The following CPNE4 variants were observed in gnomAD, a reference collection of about 807,000 sequenced individuals.
The protein encoded by CPNE4 is copine-4.
CPNE4 carries 25 observed loss-of-function variants against 67.9 expected under a neutral mutation model. That is an observed-to-expected ratio of 0.37 (90% CI 0.27 to 0.51). The LOEUF (loss-of-function observed/expected upper bound fraction) is 0.51, where lower values mean the gene tolerates loss of function less well. Ranked by LOEUF, CPNE4 falls within the 20% of genes least tolerant of loss-of-function variation. The probability of loss-of-function intolerance (pLI) is 0.93; values close to 1 mark genes in which losing one functional copy is unlikely to be tolerated. For missense variants in CPNE4, 464 were observed against 690.8 expected, an observed-to-expected ratio of 0.67 and a Z score of 3.68; for synonymous variants, 242 against 244.9, an observed-to-expected ratio of 0.99 and a Z score of 0.11.
chr3:131,711,079 A>T (rs1269995409), intron 3 of CPNE4, among the ~76,000 whole-genome samples: 1 of 152,226 alleles, frequency 6.6e-6, no homozygotes, highest in East Asian at 1.9e-4. Context: ...TATTGTCCAA[A>T]TTGGGACACT....
intron 2 of CPNE4, among the ~76,000 whole-genome samples, chr3:131,759,083 A>G (rs1461744225): frequency 6.6e-6 from 1 of 152,178 alleles, no homozygotes; most frequent in African/African-American, 2.4e-5. Context: ...GCCCAGCCCT[A>G]GTAGGATGAT....
chr3:131,669,863 G>GA, intron 6 of CPNE4, 99 bp from the exon 7 acceptor site: 1 of 932,380 alleles, frequency 1.1e-6, no homozygotes, highest in Non-Finnish European at 1.7e-6. Context: ...TGATGCTTAT[G>GA]AAAAGAACAA....
intron 2 of CPNE4, among the ~76,000 whole-genome samples, chr3:131,868,329 G>T (rs1157390037): frequency 6.6e-6 from 1 of 152,154 alleles, no homozygotes; most frequent in Non-Finnish European, 1.5e-5. Flanking sequence ...TTAAAGAGAG[G>T]CAGGCATGCA....
At chr3:131,923,704 CAAAAAAAAAAAAAAAAAAAAAAAAATT>C (rs2070808513) in intron 1 of CPNE4, among the ~76,000 whole-genome samples, 1 of 39,288 alleles carries the variant, frequency 2.5e-5, no homozygotes, top group South Asian at 1.3e-3. Context: ...GACTCCGTCT[CAAAAAAAAAAAAAAAAAAAAAAAAATT>C]AAAAAAAAAT....
intron 1 of CPNE4, among the ~76,000 whole-genome samples, chr3:131,973,772 T>C (rs934998598): frequency 2.0e-5 from 3 of 152,216 alleles, no homozygotes; most frequent in Admixed American, 2.0e-4. Flanking sequence ...TGAATTTTTA[T>C]CTCTAAGGTC....
intron 6 of CPNE4, among the ~76,000 whole-genome samples, chr3:131,683,525 T>G (rs2080808808): frequency 6.6e-6 from 1 of 152,150 alleles, no homozygotes; most frequent in Non-Finnish European, 1.5e-5. Context: ...ATTTATGCTT[T>G]CCTCTCCTCT....
chr3:131,915,815 T>C (rs746980530), intron 1 of CPNE4, among the ~76,000 whole-genome samples: 9 of 152,144 alleles, frequency 5.9e-5, no homozygotes, highest in Non-Finnish European at 1.2e-4. Context: ...TCAGATACAT[T>C]GATGTTCTTA....
intron 1 of CPNE4, among the ~76,000 whole-genome samples, chr3:131,997,635 T>C (rs1167468321): frequency 6.6e-6 from 1 of 152,080 alleles, no homozygotes; most frequent in Non-Finnish European, 1.5e-5. Flanking sequence ...CAGCCTCATA[T>C]CTTTTGTTGT....
chr3:131,964,777 G>A (rs1387827995), intron 1 of CPNE4, among the ~76,000 whole-genome samples: 1 of 152,070 alleles, frequency 6.6e-6, no homozygotes, highest in Admixed American at 6.6e-5. Flanking sequence ...TGAGGAGAAT[G>A]GAACCAAGTC....
intron 5 of CPNE4, among the ~76,000 whole-genome samples, chr3:131,690,878 T>C (rs2081018434): frequency 1.3e-5 from 2 of 151,876 alleles, no homozygotes; most frequent in African/African-American, 4.8e-5. Flanking sequence ...ATAAACCCGT[T>C]AAAAATTGGG....
chr3:132,027,543 G>T (rs1007830508), intron 1 of CPNE4, among the ~76,000 whole-genome samples: 2 of 151,766 alleles, frequency 1.3e-5, no homozygotes, highest in Non-Finnish European at 2.9e-5. Flanking sequence ...AATCAGTCAA[G>T]TCACAGGACG....
chr3:131,977,505 C>G (rs1414502269), intron 1 of CPNE4, among the ~76,000 whole-genome samples: 1 of 151,970 alleles, frequency 6.6e-6, no homozygotes, highest in African/African-American at 2.4e-5. Flanking sequence ...ATTTGACAAT[C>G]ACCCAAAAAA....
intron 2 of CPNE4, among the ~76,000 whole-genome samples, chr3:131,844,184 A>G (rs112256277): frequency 2.0e-5 from 3 of 151,962 alleles, no homozygotes; most frequent in African/African-American, 7.2e-5. Context: ...CTCTAAGGTC[A>G]TTATGACATT....
chr3:131,766,743 C>A (rs1028272020), intron 2 of CPNE4, among the ~76,000 whole-genome samples: 1 of 152,020 alleles, frequency 6.6e-6, no homozygotes, highest in South Asian at 2.1e-4. Flanking sequence ...AGAAAAAAAA[C>A]AGATAAAAAT....
intron 7 of CPNE4, among the ~76,000 whole-genome samples, chr3:131,600,961 C>T (rs1364816086): frequency 1.3e-5 from 2 of 152,096 alleles, no homozygotes; most frequent in Non-Finnish European, 2.9e-5. Flanking sequence ...TTAATTAATG[C>T]ACTACATTTT....
chr3:131,679,795 G>GT (rs1461116433), intron 6 of CPNE4, among the ~76,000 whole-genome samples: 2 of 152,102 alleles, frequency 1.3e-5, no homozygotes, highest in East Asian at 3.8e-4. Flanking sequence ...CCAAGAAGCT[G>GT]TTTTTATGAT....
At chr3:131,720,265 A>T (rs956953124) in intron 3 of CPNE4, among the ~76,000 whole-genome samples, 1 of 144,286 alleles carries the variant, frequency 6.9e-6, no homozygotes, top group Non-Finnish European at 1.5e-5. Flanking sequence ...TAATGTTCCC[A>T]CCTTAGGAAC....
At chr3:131,628,834 T>C (rs1366131250) in intron 7 of CPNE4, among the ~76,000 whole-genome samples, 1 of 150,004 alleles carries the variant, frequency 6.7e-6, no homozygotes, top group Non-Finnish European at 1.5e-5. Context: ...TTTGTTGATC[T>C]TTTCAAAAAA....
chr3:131,740,562 G>A (rs1399876381), intron 2 of CPNE4, among the ~76,000 whole-genome samples: 1 of 152,030 alleles, frequency 6.6e-6, no homozygotes, highest in Non-Finnish European at 1.5e-5. Flanking sequence ...ATAGATACCG[G>A]ATCTCACGGC....
Sources: allele counts gnomAD v4.1 joint callset (sites outside exome capture counted in the v4.1 genomes callset), GRCh38; gene constraint gnomAD v4.1.1; transcripts MANE v1.5; gene names NCBI Gene and HGNC (gene_info 2026-07-23, HGNC 2026-07-21).